Variants in AVEN observed in about 807,000 individuals in gnomAD.
The protein encoded by AVEN is apoptosis and caspase activation inhibitor, also known as cell death regulator Aven.
Under a neutral mutation model 38.1 loss-of-function variants are expected in AVEN, and 41 were observed. The ratio of observed to expected loss-of-function variants is 1.08; its 90% CI spans 0.84 to 1.40. The LOEUF (loss-of-function observed/expected upper bound fraction) is 1.40. AVEN is among the 40% of genes most tolerant of loss of function. The pLI, the probability that AVEN is intolerant of heterozygous loss-of-function variation, is 0.00. For synonymous variants in AVEN, 206 were observed against 171.8 expected (o/e 1.20, Z -1.56); for missense variants, 605 against 438.8 (o/e 1.38, Z -3.38).
downstream of AVEN, among the ~76,000 whole-genome samples, chr15:33,855,626 AGCC>A (rs2079572945): frequency 6.5e-4 from 1 of 1,528 alleles, no homozygotes; most frequent in South Asian, 0.024. Context: ...TCCAATTAAG[AGCC>A]AATATTTCTG....
At chr15:33,924,758 C>T (rs1174956890) in intron 2 of AVEN, among the ~76,000 whole-genome samples, 1 of 152,112 alleles carries the variant, frequency 6.6e-6, no homozygotes. Context: ...TTTCAGAGTA[C>T]CTTCTTGCTT....
intron 1 of AVEN, among the ~76,000 whole-genome samples, chr15:34,021,290 CTTTTT>C (rs911480926): frequency 6.9e-6 from 1 of 145,672 alleles, no homozygotes; most frequent in Non-Finnish European, 1.5e-5. Flanking sequence ...TTTTCTGTAT[CTTTTT>C]TTTTTTTGAG....
At chr15:34,051,995 A>G (rs1455007062) in intron 5 of AVEN, among the ~76,000 whole-genome samples, 3 of 152,200 alleles carry the variant, frequency 2.0e-5, no homozygotes, top group African/African-American at 2.4e-5. Flanking sequence ...GACTCATTCT[A>G]TGAAGCCAGC....
At chr15:33,859,909 A>T (rs903378734) in intron 11 of AVEN, among the ~76,000 whole-genome samples, 1 of 152,200 alleles carries the variant, frequency 6.6e-6, no homozygotes, top group Non-Finnish European at 1.5e-5. Context: ...AAAGCCAAAT[A>T]CACACCCAGG....
At chr15:34,047,680 C>A (rs908479361) in intron 5 of AVEN, among the ~76,000 whole-genome samples, 1 of 152,190 alleles carries the variant, frequency 6.6e-6, no homozygotes, top group Non-Finnish European at 1.5e-5. Flanking sequence ...ACAGTCCAGA[C>A]AAGGAAAGGT....
intron 2 of AVEN, among the ~76,000 whole-genome samples, chr15:33,892,747 T>A (rs75061041): frequency 2.1e-5 from 3 of 140,154 alleles, no homozygotes; most frequent in Admixed American, 7.2e-5. Context: ...TTTTTTTTTT[T>A]AATTCTGTGA....
chr15:33,953,448 C>A (rs1400942729), intron 2 of AVEN, among the ~76,000 whole-genome samples: 2 of 152,048 alleles, frequency 1.3e-5, no homozygotes, highest in East Asian at 1.9e-4. Context: ...GAGATATAGA[C>A]CAATGGAACA....
intron 2 of AVEN, among the ~76,000 whole-genome samples, chr15:33,892,547 T>C (rs1417505139): frequency 1.3e-5 from 2 of 152,176 alleles, no homozygotes; most frequent in Non-Finnish European, 2.9e-5. Context: ...AGATGTGTGG[T>C]GTTATTTCTG....
intron 2 of AVEN, among the ~76,000 whole-genome samples, chr15:33,968,014 T>G (rs1895458230): frequency 7.4e-6 from 1 of 135,748 alleles, no homozygotes; most frequent in Non-Finnish European, 1.6e-5. Flanking sequence ...TCTCAAAGAC[T>G]TTTAAAAATT....
intron 5 of AVEN, among the ~76,000 whole-genome samples, chr15:34,061,781 CT>C (rs1900341485): frequency 6.6e-6 from 1 of 152,098 alleles, no homozygotes; most frequent in Non-Finnish European, 1.5e-5. Flanking sequence ...GTAAAACCCC[CT>C]AGATGAAAAC....
chr15:33,860,496 CTTT>C, intron 11 of AVEN: 2 of 554,234 alleles, frequency 3.6e-6, no homozygotes, highest in South Asian at 3.6e-5. Context: ...TGATAATTCA[CTTT>C]TTTTTTTTAA....
chr15:33,874,036 C>G (rs914006782), intron 3 of AVEN, among the ~76,000 whole-genome samples: 1 of 152,120 alleles, frequency 6.6e-6, no homozygotes, highest in African/African-American at 2.4e-5. Flanking sequence ...CTCATCCGTT[C>G]AATCCCTCCC....
chr15:33,860,639 C>G (rs1347498264), intron 11 of AVEN: 2 of 1,593,948 alleles, frequency 1.3e-6, no homozygotes, highest in Non-Finnish European at 1.7e-6. Context: ...CCAGCAGGAA[C>G]AAGTACGAGA....
chr15:33,909,742 T>TTA (rs1431617937), intron 2 of AVEN, among the ~76,000 whole-genome samples: 3 of 152,244 alleles, frequency 2.0e-5, no homozygotes, highest in African/African-American at 7.2e-5. Flanking sequence ...ATGGCTACAA[T>TTA]TATTGTAATT....
chr15:33,909,533 C>T (rs1212038531), intron 2 of AVEN, among the ~76,000 whole-genome samples: 1 of 152,140 alleles, frequency 6.6e-6, no homozygotes, highest in Non-Finnish European at 1.5e-5. Flanking sequence ...ACTGTCATAA[C>T]ACAAAGGTGA....
chr15:33,943,697 C>T (rs141106837), intron 2 of AVEN, among the ~76,000 whole-genome samples: 119 of 152,098 alleles, frequency 7.8e-4, no homozygotes, highest in Admixed American at 1.0e-3. Flanking sequence ...TGGTGGCGCA[C>T]GCCTATAATC....
At position 33,867,634 on chromosome 15, in the gene AVEN, T is replaced by G. The variant is rs1368899872; in HGVS notation, c.834A>C (p.Ala278=). The change falls in exon 5 of 6, where the codon GCA becomes GCC. Residue 278 remains alanine, a synonymous_variant. Coordinates refer to ENST00000306730, the MANE Select transcript of AVEN (RefSeq NM_020371.3). ...CTAGTTCTTCTTCCAAATGGTCTCC[T>G]GCTGACTGCAGTGGGGAAGTGGGTT... ...SQKPTSPLQS[A]GDHLEEELDL... The G allele has an allele frequency of 6.2e-7, 1 of 1,614,108 alleles. No homozygotes were observed. Among genetic ancestry groups the G allele is most frequent in the Non-Finnish European group, 8.5e-7 (1 of 1,180,050 alleles).
intron 2 of AVEN, among the ~76,000 whole-genome samples, chr15:33,953,964 A>C (rs1894849942): frequency 6.6e-6 from 1 of 152,240 alleles, no homozygotes; most frequent in Non-Finnish European, 1.5e-5. Context: ...AGAAAAAATC[A>C]AACAACCCCA....
intron 5 of AVEN, among the ~76,000 whole-genome samples, chr15:34,047,057 TTTGGTTTTTTTG>T (rs1379651601): frequency 7.0e-6 from 1 of 143,406 alleles, no homozygotes; most frequent in East Asian, 2.0e-4. Context: ...GCTTTTTTGT[TTTGGTTTTTTTG>T]TTGGTTTTTT....
Sources: gnomAD v4.1 joint callset for allele counts (sites outside exome capture counted in the v4.1 genomes callset) on GRCh38, gnomAD v4.1.1 for gene constraint, MANE v1.5 for transcripts, NCBI Gene and HGNC (gene_info 2026-07-23, HGNC 2026-07-21) for gene names.